The following KLHDC2 variants were observed in gnomAD, a reference collection of about 807,000 sequenced individuals.
KLHDC2 encodes kelch domain containing 2.
A neutral mutation model predicts 62.3 loss-of-function variants in KLHDC2; 38 were observed. The observed-to-expected ratio is 0.61, with a 90% CI of 0.47 to 0.80. KLHDC2 has a LOEUF of 0.80. Ranked by LOEUF, KLHDC2 falls within the 30% of genes least tolerant of loss-of-function variation. The pLI, the probability that KLHDC2 is intolerant of heterozygous loss-of-function variation, is 0.00. For synonymous variants in KLHDC2, 159 were observed against 161.0 expected, an observed-to-expected ratio of 0.99 and a Z score of 0.09; for missense variants, 430 against 495.3, an observed-to-expected ratio of 0.87 and a Z score of 1.25.
At chr14:49,779,834 C>CA in intron 8 of KLHDC2, 28 bp downstream of exon 8, 1 of 1,546,028 alleles carries the variant, frequency 6.5e-7, no homozygotes, top group Non-Finnish European at 8.9e-7. Context: ...TACATTTTTC[C>CA]AAAATTCAGA....
chr14:49,782,776 G>A (rs1566639522), intron 12 of KLHDC2, 54 bp from the exon 13 acceptor site: 1 of 1,574,164 alleles, frequency 6.4e-7, no homozygotes, highest in Non-Finnish European at 8.6e-7. Flanking sequence ...TCAAGTGAAT[G>A]TACTTCCAAA....
At chr14:49,778,536 G>A (rs1341121707) in intron 6 of KLHDC2, 42 bp downstream of exon 6, 1 of 890,414 alleles carries the variant, frequency 1.1e-6, no homozygotes, top group Non-Finnish European at 1.8e-6. Context: ...GATACTTAGA[G>A]GCAGTGGGGA....
rs1889586763 is a variant in KLHDC2, at chr14:49,768,348, C to T, written c.-121C>T. The T allele has an allele frequency of 4.3e-6, 5 of 1,151,532 alleles. No individual in the cohort carries two copies. Among genetic ancestry groups the T allele is most frequent in the South Asian group, 1.6e-5 (1 of 64,078 alleles). The allele number at this position is 1,151,532 out of a possible 1,614,324, so 71.3% of individuals were successfully genotyped here. A position where few individuals can be genotyped will look rare whatever the true frequency, so the allele number is the denominator to read the frequency against. On this transcript the variant is annotated 5_prime_UTR_variant, in exon 1 of 13. Coordinates refer to ENST00000298307, the MANE Select transcript of KLHDC2 (RefSeq NM_014315.3). ...GCAGGCGGCAGAGAGGCCTCAACGC[C>T]GTCCCTTTCGCCACCGCCTTTTCCT... is the stretch of plus-strand genomic sequence containing the variant.
Position 49,780,231 on chromosome 14 carries a change from C to T in KLHDC2, c.792C>T (p.Cys264=). ...EWNELIPQGI[C]PVGRSWHSLT... ...TTTTCAGAATTCCACAAGGCATATG[C>T]CCAGTTGGTCGATCTTGGCACTCAC... The change falls in exon 9 of 13, where the codon TGC becomes TGT. Residue 264 remains cysteine (C), a synonymous_variant. Coordinates refer to ENST00000298307, the MANE Select transcript of KLHDC2 (RefSeq NM_014315.3). 2 of 1,610,360 alleles carry T rather than the reference C, an allele frequency of 1.2e-6. No homozygotes were observed. Among genetic ancestry groups the T allele is most frequent in the Non-Finnish European group, 1.7e-6 (2 of 1,176,696 alleles).
At position 49,785,453 on chromosome 14, in the gene KLHDC2, G is replaced by A. The variant is rs535689515; in HGVS notation, c.*2500G>A. On this transcript the variant is annotated 3_prime_UTR_variant, in exon 13 of 13. Coordinates refer to ENST00000298307, the MANE Select transcript of KLHDC2 (RefSeq NM_014315.3). ...TACATACCATCTAAGCTGGAACAGTGGTACTTAAACTCTGCTTCATAGTTC... is the reference window on the plus strand; with the variant it reads ...TACATACCATCTAAGCTGGAACAGTAGTACTTAAACTCTGCTTCATAGTTC... The A allele has an allele frequency of 6.9e-5, 45 of 654,794 alleles. No individual in the cohort carries two copies. The East Asian group carries it at 1.2e-3, about 17-fold the overall frequency. The allele number at this position is 654,794 out of a possible 1,614,324, so 40.6% of individuals were successfully genotyped here. A position where few individuals can be genotyped will look rare whatever the true frequency, so the allele number is the denominator to read the frequency against.
At position 49,778,496 on chromosome 14, in the gene KLHDC2, T is replaced by C. The variant is rs765266904; in HGVS notation, c.633+2T>C. On this transcript the variant is annotated splice_donor_variant, in intron 6 of 12. Coordinates refer to ENST00000298307, the MANE Select transcript of KLHDC2 (RefSeq NM_014315.3). LOFTEE classifies it high-confidence loss of function. ...ACCTGGAGCCAGCCTATAACTACTGTGAGTTACTAAAGAATAATGAATTGT... is the reference window on the plus strand; with the variant it reads ...ACCTGGAGCCAGCCTATAACTACTGCGAGTTACTAAAGAATAATGAATTGT... 6.9e-7 allele frequency: 1 copy of C among 1,454,430 alleles called. No individual in the cohort carries two copies. The highest frequency in any genetic ancestry group is 9.5e-7 in the Non-Finnish European group (1 of 1,052,582). 90.1% of individuals were successfully genotyped at this position (1,454,430 alleles called of 1,614,324 possible). A position where few individuals can be genotyped will look rare whatever the true frequency, so the allele number is the denominator to read the frequency against.
rs771425274 is a variant in KLHDC2, at chr14:49,777,829, C to T, written c.352-10C>T. ...AAACCAACTCTAACTGAAATCATTG[C>T]TTCTGACAGTTCTACATGCTGGATT... On this transcript the variant is annotated splice_polypyrimidine_tract_variant and intron_variant, in intron 3 of 12. Coordinates refer to ENST00000298307, the MANE Select transcript of KLHDC2 (RefSeq NM_014315.3). 3 of 1,407,160 alleles carry T rather than the reference C, an allele frequency of 2.1e-6. No homozygotes were observed. Among genetic ancestry groups the T allele is most frequent in the Non-Finnish European group, 2.9e-6 (3 of 1,020,738 alleles). 87.2% of individuals were successfully genotyped at this position (1,407,160 alleles called of 1,614,324 possible). A position where few individuals can be genotyped will look rare whatever the true frequency, so the allele number is the denominator to read the frequency against.
At chr14:49,778,074 T>G in intron 4 of KLHDC2, 104 bp from the exon 5 acceptor site, 1 of 917,716 alleles carries the variant, frequency 1.1e-6, no homozygotes, top group Non-Finnish European at 1.7e-6. Context: ...GAAGATTAAC[T>G]GAATTAATAC....
chr14:49,770,178 A>G (rs1317472815), intron 1 of KLHDC2, among the ~76,000 whole-genome samples: 3 of 152,084 alleles, frequency 2.0e-5, no homozygotes, highest in Non-Finnish European at 2.9e-5. Flanking sequence ...AAGGGCCTGG[A>G]TGATTGGGGC....
chr14:49,780,074 C>T (rs1032362508), intron 8 of KLHDC2, 139 bp from the exon 9 acceptor site: 3 of 642,958 alleles, frequency 4.7e-6, no homozygotes, highest in African/African-American at 1.8e-5. Context: ...CAGTATAAAG[C>T]ATGTAGTTTA....
rs763720420 is a variant in KLHDC2 at position 49,784,661 on chromosome 14, T to C, written c.*1708T>C. On this transcript the variant is annotated 3_prime_UTR_variant, in exon 13 of 13. Transcript: ENST00000298307. ...CTATTTCCTTTTTACGTTCAGAAGA[T>C]TGGGTGCAGACACTTTCACTTTGCC... The C allele has an allele frequency of 1.5e-5, 24 of 1,611,394 alleles. No individual in the cohort carries two copies. Among genetic ancestry groups the C allele is most frequent in the Non-Finnish European group, 1.8e-5 (21 of 1,178,872 alleles).
intron 3 of KLHDC2, among the ~76,000 whole-genome samples, chr14:49,776,573 G>A (rs1889777680): frequency 6.6e-6 from 1 of 152,002 alleles, no homozygotes; most frequent in Admixed American, 6.5e-5. Flanking sequence ...GAATTTAAAG[G>A]TAAAATTACT....
rs747266894 is a variant in KLHDC2 at position 49,780,764 on chromosome 14, C to T, written c.945C>T (p.Thr315=). 8.8e-6 allele frequency: 14 copies of T among 1,587,892 alleles called. No individual in the cohort carries two copies. The highest frequency in any genetic ancestry group is 5.5e-5 in the South Asian group (5 of 90,546). ...NEWIQFNHPY[T]EKPRLWHTAC... is the part of the protein sequence containing the mutation. Reference sequence around the variant, plus strand: ...GGATACAATTTAATCATCCATATACCGAAAAACCAAGGTATTTAAAAGCAA... The same window carrying T: ...GGATACAATTTAATCATCCATATACTGAAAAACCAAGGTATTTAAAAGCAA... Residue 315 remains threonine, a synonymous_variant, in exon 10 of 13, where the codon ACC becomes ACT. Transcript: ENST00000298307.
At chr14:49,777,601 G>A (rs80253872) in intron 3 of KLHDC2, among the ~76,000 whole-genome samples, 1 of 148,464 alleles carries the variant, frequency 6.7e-6, no homozygotes, top group Admixed American at 6.7e-5. Context: ...AAAAAAAAAA[G>A]TGTGACTATG....
At chr14:49,772,438 G>C (rs1889683090) in intron 2 of KLHDC2, among the ~76,000 whole-genome samples, 1 of 152,128 alleles carries the variant, frequency 6.6e-6, no homozygotes, top group South Asian at 2.1e-4. Context: ...ATGACCTCCA[G>C]TTTGCCCTTT....
intron 1 of KLHDC2, among the ~76,000 whole-genome samples, chr14:49,769,282 C>A (rs1305998708): frequency 6.6e-6 from 1 of 152,182 alleles, no homozygotes; most frequent in Non-Finnish European, 1.5e-5. Context: ...ACTCTCCGAT[C>A]CCCTGGTTAT....
chr14:49,774,925 T>G, intron 3 of KLHDC2: 1 of 441,260 alleles, frequency 2.3e-6, no homozygotes, highest in Non-Finnish European at 4.0e-6. Flanking sequence ...TTCTTTGTGC[T>G]TTTTGCAGCT....
chr14:49,774,592 CCTT>C lies in KLHDC2; in HGVS notation c.268_270del (p.Ser90del), dbSNP rs1889733641. ...AATCAACACTGAAGGTGATGTTCCT[CCTT>C]CTATGTCAGGAAGCTGTGCTGTGTG... On this transcript the variant is annotated inframe_deletion, in exon 3 of 13. Transcript: ENST00000298307. The C allele has an allele frequency of 1.2e-6, 2 of 1,613,888 alleles. No homozygotes were observed. The highest frequency in any genetic ancestry group is 1.7e-5 in the Admixed American group (1 of 60,026).
intron 4 of KLHDC2, 41 bp downstream of exon 4, chr14:49,777,995 A>T: frequency 7.9e-7 from 1 of 1,261,156 alleles, no homozygotes; most frequent in Middle Eastern, 1.9e-4. Context: ...TTATGTGTAA[A>T]GTGGTTTACC....
Sources: allele counts gnomAD v4.1 joint callset (sites outside exome capture counted in the v4.1 genomes callset), GRCh38; gene constraint gnomAD v4.1.1; transcripts MANE v1.5; gene names NCBI Gene and HGNC (gene_info 2026-07-23, HGNC 2026-07-21).